TANC2: variants seen among roughly 807,000 people sequenced by gnomAD.
The protein encoded by TANC2 is tetratricopeptide repeat, ankyrin repeat and coiled-coil containing 2.
Under a neutral mutation model 210.5 loss-of-function variants are expected in TANC2, and 26 were observed. That is an observed-to-expected ratio of 0.12 (90% CI 0.09 to 0.17). The LOEUF is 0.17. TANC2 is among the 10% of genes least tolerant of loss of function. TANC2 has a pLI of 1.00. For missense variants in TANC2, 2,129 were observed against 2,608.9 expected, an observed-to-expected ratio of 0.82 and a Z score of 4.01; for synonymous variants, 931 against 967.1, an observed-to-expected ratio of 0.96 and a Z score of 0.69.
intron 4 of TANC2, among the ~76,000 whole-genome samples, chr17:63,134,490 C>G (rs2039023099): frequency 6.6e-6 from 1 of 152,186 alleles, no homozygotes; most frequent in South Asian, 2.1e-4. Context: ...TACATGATCA[C>G]TAAATCATGA....
rs143600683 is a variant in TANC2 at position 63,134,177 on chromosome 17, G to A, written c.323-17093G>A. Among the ~76,000 whole-genome samples the A allele has an allele frequency of 5.2e-4, 79 of 152,180 alleles. 1 individual carries two copies. Among genetic ancestry groups the A allele is most frequent in the African/African-American group, 1.8e-3 (73 of 41,520 alleles). ...GACAGACATAACTGAGGTAAGAAGC[G>A]TGAGTAAATTACTTCTTGTAATTTT... On this transcript the variant is annotated intron_variant, in intron 4 of 27. Coordinates refer to ENST00000689528, the Ensembl canonical transcript of TANC2.
At chr17:63,018,423 T>C (rs1014425143) in intron 2 of TANC2, among the ~76,000 whole-genome samples, 2 of 151,270 alleles carry the variant, frequency 1.3e-5, no homozygotes, top group East Asian at 1.9e-4. Context: ...AGAGATTGCA[T>C]TGAGCTGAGA....
At chr17:63,014,601 ATGT>A (rs1337763893) in intron 2 of TANC2, among the ~76,000 whole-genome samples, 5 of 152,246 alleles carry the variant, frequency 3.3e-5, no homozygotes, top group Admixed American at 3.3e-4. Flanking sequence ...ATGGCCACTA[ATGT>A]CTTTGCTTGG....
chr17:63,326,633 GGT>G (rs1416059056), intron 11 of TANC2, among the ~76,000 whole-genome samples: 1 of 151,996 alleles, frequency 6.6e-6, no homozygotes, highest in Non-Finnish European at 1.5e-5. Flanking sequence ...AGGGTGCTGA[GGT>G]GGAAGGATTG....
At chr17:63,067,908 T>G (rs1568359110) in intron 2 of TANC2, among the ~76,000 whole-genome samples, 1 of 152,196 alleles carries the variant, frequency 6.6e-6, no homozygotes, top group South Asian at 2.1e-4. Flanking sequence ...GAAGAACTTA[T>G]AGCTGGGAAT....
At chr17:63,077,209 C>A (rs189276490) in intron 3 of TANC2, among the ~76,000 whole-genome samples, 130 of 152,264 alleles carry the variant, frequency 8.5e-4, no homozygotes, top group African/African-American at 3.1e-3. Context: ...AAAAATAAAG[C>A]AGCATCTTCA....
chr17:63,023,162 C>T (rs1024161997), intron 2 of TANC2, among the ~76,000 whole-genome samples: 2 of 152,208 alleles, frequency 1.3e-5, no homozygotes, highest in Non-Finnish European at 2.9e-5. Flanking sequence ...CCACTGGCAG[C>T]ATGCAACACT....
At chr17:63,361,636 C>G (rs2046960344) in intron 14 of TANC2, among the ~76,000 whole-genome samples, 2 of 152,206 alleles carry the variant, frequency 1.3e-5, no homozygotes, top group Non-Finnish European at 2.9e-5. Flanking sequence ...TCAGGGAGTC[C>G]CTAGGTCTGG....
At position 63,418,714 on chromosome 17, in the gene TANC2, A is replaced by G. The variant is rs1360905631; in HGVS notation, c.4268+307A>G. On this transcript the variant is annotated intron_variant, in intron 27 of 27. Coordinates refer to ENST00000689528, the Ensembl canonical transcript of TANC2. The surrounding 1 kb of genome is among the most constrained non-coding windows in gnomAD (Gnocchi z 4.6). ...TTTCAACCCCCAGAGCAGCTAGCAC[A>G]AAGAGACAACGGCGACTTAAAGAAA... is the stretch of plus-strand genomic sequence containing the variant. Among the ~76,000 whole-genome samples, 2 of 152,248 alleles carry G rather than the reference A, an allele frequency of 1.3e-5. No individual in the cohort carries two copies. The highest frequency in any genetic ancestry group is 2.9e-5 in the Non-Finnish European group (2 of 68,038).
chr17:63,293,325 G>A (rs2044437538), intron 9 of TANC2, among the ~76,000 whole-genome samples: 1 of 152,204 alleles, frequency 6.6e-6, no homozygotes, highest in Non-Finnish European at 1.5e-5. Flanking sequence ...TGAAGCACAT[G>A]TGTTTTCCCT....
intron 9 of TANC2, among the ~76,000 whole-genome samples, chr17:63,293,682 T>G (rs762149340): frequency 2.0e-5 from 3 of 152,160 alleles, no homozygotes; most frequent in Non-Finnish European, 4.4e-5. Flanking sequence ...CCTTAATGTG[T>G]TTTTCTTTGT....
chr17:63,309,173 G>GTGTA (rs1334872337), intron 9 of TANC2, among the ~76,000 whole-genome samples: 3 of 152,120 alleles, frequency 2.0e-5, no homozygotes, highest in Non-Finnish European at 2.9e-5. Flanking sequence ...ATGTGAGTGT[G>GTGTA]TGTATGTATG....
rs1475963613 is a variant in TANC2 at position 63,412,868 on chromosome 17, A to C, written c.3928+159A>C. Among the ~76,000 whole-genome samples, 11 of 152,286 alleles carry C rather than the reference A, an allele frequency of 7.2e-5. No homozygotes were observed. Among genetic ancestry groups the C allele is most frequent in the Non-Finnish European group, 1.5e-5 (1 of 68,026 alleles). ...TTTTTAATGACTGTTGTAGAGAATA[A>C]CTTGAACTTTTGATAACTAACCTTG... On this transcript the variant is annotated intron_variant, in intron 24 of 27. Coordinates refer to ENST00000689528, the Ensembl canonical transcript of TANC2. The surrounding 1 kb of genome is among the most constrained non-coding windows in gnomAD (Gnocchi z 4.2).
At chr17:63,114,552 C>T (rs937207191) in intron 4 of TANC2, among the ~76,000 whole-genome samples, 24 of 152,114 alleles carry the variant, frequency 1.6e-4, no homozygotes, top group African/African-American at 4.8e-4. Context: ...CACAACCCCG[C>T]GTAGAAAGTT....
At position 63,418,459 on chromosome 17, in the gene TANC2, G is replaced by T; in HGVS notation, c.4268+52G>T. ...CAAGAGGTCTCTTTTCTGAAAATTT[G>T]GCCAAGGCAGCGTCGGCCACCCTGG... On this transcript the variant is annotated intron_variant, in intron 27 of 27. Transcript: ENST00000689528. This position sits in a 1 kb window ranked among gnomAD's most constrained non-coding sequence, Gnocchi z 4.6. The T allele has an allele frequency of 6.4e-7, 1 of 1,555,134 alleles. No individual in the cohort carries two copies. Among genetic ancestry groups the T allele is most frequent in the South Asian group, 1.2e-5 (1 of 85,176 alleles).
At chr17:63,136,912 G>A (rs1030849608) in intron 4 of TANC2, among the ~76,000 whole-genome samples, 8 of 152,186 alleles carry the variant, frequency 5.3e-5, no homozygotes, top group African/African-American at 1.4e-4. Flanking sequence ...AGGGCAACCA[G>A]AAGTTACAGA....
chr17:63,141,899 G>A (rs1567758363), intron 4 of TANC2, among the ~76,000 whole-genome samples: 1 of 152,154 alleles, frequency 6.6e-6, no homozygotes, highest in African/African-American at 2.4e-5. Flanking sequence ...GTCTATAGAT[G>A]TAATGTTGGA....
At chr17:63,304,022 G>T (rs2044813348) in intron 9 of TANC2, among the ~76,000 whole-genome samples, 1 of 151,868 alleles carries the variant, frequency 6.6e-6, no homozygotes, top group Non-Finnish European at 1.5e-5. Context: ...TCTTTGCATT[G>T]GGTTAGAACA....
At chr17:62,980,126 T>C (rs2032226827) in intron 1 of TANC2, among the ~76,000 whole-genome samples, 1 of 152,166 alleles carries the variant, frequency 6.6e-6, no homozygotes, top group Non-Finnish European at 1.5e-5. Context: ...TTTAACCTCT[T>C]CTCTAAACAA....
Sources: gnomAD v4.1 joint callset for allele counts (sites outside exome capture counted in the v4.1 genomes callset) on GRCh38, gnomAD v4.1.1 for gene constraint, Gnocchi (gnomAD v3.1) non-coding constraint, MANE v1.5 for transcripts, NCBI Gene and HGNC (gene_info 2026-07-23, HGNC 2026-07-21) for gene names.